The following PHLPP1 variants were observed in gnomAD, a reference collection of about 807,000 sequenced individuals.
The protein encoded by PHLPP1 is PH domain and leucine rich repeat protein phosphatase 1.
In PHLPP1, 42 loss-of-function variants were observed where a neutral mutation model predicts 117.2. The ratio of observed to expected loss-of-function variants is 0.36; its 90% CI spans 0.28 to 0.46. The LOEUF (loss-of-function observed/expected upper bound fraction) is 0.46. PHLPP1 is among the 20% of genes least tolerant of loss of function. PHLPP1 has a pLI of 1.00. For synonymous variants in PHLPP1, 1,042 were observed against 970.7 expected, an observed-to-expected ratio of 1.07 and a Z score of -1.37; for missense variants, 2,084 against 2,241.9, an observed-to-expected ratio of 0.93 and a Z score of 1.42.
chr18:62,824,131 CAAAA>C (rs34639796), intron 1 of PHLPP1: 273 of 346,526 alleles, frequency 7.9e-4, no homozygotes, highest in Middle Eastern at 2.5e-3. Context: ...AACTCCGTCT[CAAAA>C]AAAAAAAAAA....
intron 1 of PHLPP1, among the ~76,000 whole-genome samples, chr18:62,787,283 C>T (rs1183188827): frequency 6.6e-6 from 1 of 152,208 alleles, no homozygotes; most frequent in African/African-American, 2.4e-5. Context: ...TCTCCTGCCT[C>T]AGCCTCACGA....
At position 62,716,096 on chromosome 18, in the gene PHLPP1, C is replaced by G; in HGVS notation, c.413C>G (p.Ser138Cys). The change falls in exon 1 of 17, where the codon TCC becomes TGC. Residue 138 changes from serine (S) to cysteine (C), a missense_variant. By Grantham distance (112) the Ser-to-Cys change is moderately radical (BLOSUM62 -1). Around this residue, in one of 2 missense-constraint regions of PHLPP1, gnomAD observed 719 missense variants for 636.0 expected, o/e 1.13. Transcript: ENST00000262719. This position sits in a 1 kb window ranked among gnomAD's most constrained non-coding sequence, Gnocchi z 5.7. ...CTGTCCGCGGCCGCCGCGGCCGCCT[C>G]CTCGTCGTCGTCGTCCTCGGCCGCT... is the stretch of plus-strand genomic sequence containing the variant. ...RNLSAAAAAA[S>C]SSSSSSAAAA... 2.7e-6 allele frequency: 4 copies of G among 1,501,374 alleles called. No individual in the cohort carries two copies. In the South Asian group the frequency reaches 5.0e-5, roughly 19 times the overall value. The allele number at this position is 1,501,374 out of a possible 1,614,324, so 93.0% of individuals were successfully genotyped here. A position where few individuals can be genotyped will look rare whatever the true frequency, so the allele number is the denominator to read the frequency against.
intron 5 of PHLPP1, 145 bp downstream of exon 5, chr18:62,895,302 C>T (rs972237261): frequency 2.3e-5 from 17 of 729,914 alleles, no homozygotes; most frequent in African/African-American, 1.1e-4. Flanking sequence ...CTATGTAGTC[C>T]GTATGGAGTT....
intron 3 of PHLPP1, chr18:62,839,734 A>G (rs923432940): frequency 1.3e-4 from 19 of 146,584 alleles, no homozygotes; most frequent in Non-Finnish European, 2.5e-4. Flanking sequence ...AAATATATAT[A>G]TATGTATATA....
At chr18:62,856,208 A>G (rs1222986151) in intron 3 of PHLPP1, among the ~76,000 whole-genome samples, 1 of 152,072 alleles carries the variant, frequency 6.6e-6, no homozygotes, top group Non-Finnish European at 1.5e-5. Context: ...CCCAGTGGAT[A>G]TGGAGCGCCG....
intron 1 of PHLPP1, among the ~76,000 whole-genome samples, chr18:62,762,224 A>G (rs1045207925): frequency 6.6e-6 from 1 of 151,638 alleles, no homozygotes; most frequent in East Asian, 1.9e-4. Context: ...ACTCATCTGT[A>G]TTGAACAGAT....
At chr18:62,745,051 C>A (rs1394847708) in intron 1 of PHLPP1, among the ~76,000 whole-genome samples, 1 of 152,116 alleles carries the variant, frequency 6.6e-6, no homozygotes. Flanking sequence ...TGTTTTAAAA[C>A]CTGGCATTTG....
At chr18:62,942,239 A>C (rs1910150191) in intron 11 of PHLPP1, among the ~76,000 whole-genome samples, 1 of 152,156 alleles carries the variant, frequency 6.6e-6, no homozygotes, top group Admixed American at 6.5e-5. Context: ...ATTATCCTAG[A>C]GCCAGGTGTG....
intron 1 of PHLPP1, among the ~76,000 whole-genome samples, chr18:62,743,185 T>C (rs1568100389): frequency 6.6e-6 from 1 of 152,232 alleles, no homozygotes; most frequent in Non-Finnish European, 1.5e-5. Context: ...ATTATTGAAG[T>C]ATTATTTTCT....
intron 6 of PHLPP1, 110 bp downstream of exon 6, chr18:62,896,121 G>GT (rs1205024496): frequency 1.5e-6 from 1 of 650,776 alleles, no homozygotes; most frequent in Non-Finnish European, 2.7e-6. Flanking sequence ...ATGTGGGCCC[G>GT]TTTTTCTATT....
At chr18:62,734,674 A>C (rs1911321381) in intron 1 of PHLPP1, among the ~76,000 whole-genome samples, 1 of 152,194 alleles carries the variant, frequency 6.6e-6, no homozygotes, top group Non-Finnish European at 1.5e-5. Context: ...AATCCAAATA[A>C]AATACTTCTA....
At chr18:62,779,327 T>A (rs1913055758) in intron 1 of PHLPP1, 1 of 152,120 alleles carries the variant, frequency 6.6e-6, no homozygotes, top group Non-Finnish European at 1.5e-5. Context: ...TCTCCATTCC[T>A]CTCTAGTCAC....
chr18:62,895,275 A>G (rs181960229), intron 5 of PHLPP1, 118 bp downstream of exon 5: 5 of 1,001,222 alleles, frequency 5.0e-6, no homozygotes, highest in Middle Eastern at 3.3e-4. Context: ...CTTGGCCCCA[A>G]ATCAAGAGAT....
intron 1 of PHLPP1, among the ~76,000 whole-genome samples, chr18:62,770,387 G>C (rs1293556227): frequency 6.6e-6 from 1 of 152,188 alleles, no homozygotes; most frequent in Non-Finnish European, 1.5e-5. Flanking sequence ...TGGGATTCCA[G>C]GTGTGAGCCA....
intron 4 of PHLPP1, among the ~76,000 whole-genome samples, chr18:62,892,107 T>A (rs1421198243): frequency 8.5e-6 from 1 of 117,810 alleles, no homozygotes; most frequent in African/African-American, 2.9e-5. Context: ...TTTTTTTTTT[T>A]TACGGAGTTT....
chr18:62,915,052 C>A, intron 9 of PHLPP1, 44 bp downstream of exon 9: 1 of 1,412,714 alleles, frequency 7.1e-7, no homozygotes, highest in Non-Finnish European at 9.9e-7. Flanking sequence ...AATAAATGAG[C>A]AATTTTAAAA....
chr18:62,929,788 G>C (rs541764658), intron 10 of PHLPP1, among the ~76,000 whole-genome samples: 1 of 152,072 alleles, frequency 6.6e-6, no homozygotes, highest in African/African-American at 2.4e-5. Flanking sequence ...TCTCTACAAA[G>C]AATTTTTAAA....
intron 1 of PHLPP1, among the ~76,000 whole-genome samples, chr18:62,755,219 G>A (rs1047491727): frequency 6.6e-6 from 1 of 151,898 alleles, no homozygotes; most frequent in African/African-American, 2.4e-5. Flanking sequence ...ATACGTGAAA[G>A]TTGAAAAGCA....
At chr18:62,740,667 A>G (rs945276610) in intron 1 of PHLPP1, among the ~76,000 whole-genome samples, 1 of 152,330 alleles carries the variant, frequency 6.6e-6, no homozygotes, top group African/African-American at 2.4e-5. Flanking sequence ...GCATTATTTT[A>G]GTTTTTCTTA....
Sources: gnomAD v4.1 joint callset for allele counts (sites outside exome capture counted in the v4.1 genomes callset) on GRCh38, gnomAD v4.1.1 for gene constraint, gnomAD v4.1.1 regional missense constraint, Gnocchi (gnomAD v3.1) non-coding constraint, MANE v1.5 for transcripts, NCBI Gene and HGNC (gene_info 2026-07-23, HGNC 2026-07-21) for gene names.